Variants in BLTP3B observed in about 807,000 individuals in gnomAD.
BLTP3B encodes UHRF1 (ICBP90) binding protein 1-like.
chr12:100,082,960 C>T, the BLTP3B span: 2 of 1,284,956 alleles, frequency 1.6e-6, no homozygotes. Context: ...ATTTAAGTTG[C>T]TTAGATGAGA....
chr12:100,103,851 A>G, the BLTP3B span: 1 of 1,320,046 alleles, frequency 7.6e-7, no homozygotes, highest in South Asian at 1.7e-5. Context: ...ATTACTATGA[A>G]CAGAGTAGCT....
chr12:100,136,197 C>T, the BLTP3B span, among the ~76,000 whole-genome samples: 4 of 141,474 alleles, frequency 2.8e-5, no homozygotes, highest in Admixed American at 7.0e-5. Context: ...GGCAACATAG[C>T]GAGACTCTGT....
chr12:100,142,437 T>TCCGGGG, the BLTP3B span, among the ~76,000 whole-genome samples: 5 of 151,982 alleles, frequency 3.3e-5, no homozygotes, highest in African/African-American at 1.2e-4. Context: ...CGACAAGAGA[T>TCCGGGG]CCGGGGCCGC....
the BLTP3B span, chr12:100,070,244 G>T: frequency 6.7e-7 from 1 of 1,494,506 alleles, no homozygotes; most frequent in Non-Finnish European, 8.9e-7. Context: ...GTTGAAACAT[G>T]AAGATAGGAT....
the BLTP3B span, chr12:100,083,012 A>G: frequency 2.5e-6 from 4 of 1,605,376 alleles, no homozygotes; most frequent in Non-Finnish European, 3.4e-6. Flanking sequence ...AAAAGAAAAC[A>G]TACCTGGTAT....
the BLTP3B span, among the ~76,000 whole-genome samples, chr12:100,072,187 G>C: frequency 1.3e-5 from 2 of 152,246 alleles, no homozygotes; most frequent in South Asian, 4.1e-4. Flanking sequence ...GCTTGAACCT[G>C]GGAGGCCAAG....
the BLTP3B span, among the ~76,000 whole-genome samples, chr12:100,074,356 T>C: frequency 6.6e-6 from 1 of 152,024 alleles, no homozygotes; most frequent in East Asian, 1.9e-4. Flanking sequence ...CCCAGCACGG[T>C]GAGAGGCTGA....
chr12:100,102,882 C>A, the BLTP3B span: 1 of 1,337,690 alleles, frequency 7.5e-7, no homozygotes, highest in Non-Finnish European at 1.0e-6. Flanking sequence ...AAAATATAAA[C>A]AATTAGATTA....
At chr12:100,048,685 A>C in the BLTP3B span, among the ~76,000 whole-genome samples, 3 of 147,288 alleles carry the variant, frequency 2.0e-5, no homozygotes, top group East Asian at 6.2e-4. Context: ...GACCTCATTA[A>C]ATTGTTTCTT....
the BLTP3B span, among the ~76,000 whole-genome samples, chr12:100,043,144 T>A: frequency 1.8e-4 from 28 of 152,326 alleles, no homozygotes; most frequent in African/African-American, 6.3e-4. Context: ...TTTTTAGACA[T>A]AATAATAGTG....
the BLTP3B span, among the ~76,000 whole-genome samples, chr12:100,110,211 A>G: frequency 6.6e-6 from 1 of 152,196 alleles, no homozygotes; most frequent in Non-Finnish European, 1.5e-5. Flanking sequence ...ACTTGTCAAC[A>G]AGAATACCAA....
the BLTP3B span, among the ~76,000 whole-genome samples, chr12:100,086,886 C>T: frequency 4.6e-5 from 7 of 152,134 alleles, no homozygotes; most frequent in Non-Finnish European, 4.4e-5. Flanking sequence ...TAAGGCTGGG[C>T]GCGGTGGCTC....
At chr12:100,106,771 G>T in the BLTP3B span, among the ~76,000 whole-genome samples, 136 of 152,240 alleles carry the variant, frequency 8.9e-4, no homozygotes, top group African/African-American at 3.1e-3. Flanking sequence ...AAAATTTACT[G>T]AAAGTGTCAA....
At chr12:100,084,434 A>T in the BLTP3B span, 1 of 1,456,276 alleles carries the variant, frequency 6.9e-7, no homozygotes, top group Non-Finnish European at 9.4e-7. Flanking sequence ...ACAGAGTGCA[A>T]ACACTCTTAA....
chr12:100,128,674 G>A, the BLTP3B span: 1 of 1,288,592 alleles, frequency 7.8e-7, no homozygotes, highest in Non-Finnish European at 1.0e-6. Flanking sequence ...ACTCATTTGG[G>A]TGATTATGCA....
At chr12:100,127,559 A>G in the BLTP3B span, among the ~76,000 whole-genome samples, 2 of 152,232 alleles carry the variant, frequency 1.3e-5, no homozygotes, top group African/African-American at 4.8e-5. Context: ...GTATTCAGTG[A>G]TATGAGTTTC....
the BLTP3B span, among the ~76,000 whole-genome samples, chr12:100,042,424 AAGACAGAC>A: frequency 6.6e-6 from 1 of 152,254 alleles, no homozygotes; most frequent in Middle Eastern, 3.2e-3. Flanking sequence ...GGTAGTATCA[AAGACAGAC>A]ATACAGACAA....
At chr12:100,128,433 C>A in the BLTP3B span, 1 of 518,022 alleles carries the variant, frequency 1.9e-6, no homozygotes, top group Non-Finnish European at 2.6e-6. Flanking sequence ...ATTACATGAG[C>A]CTCTAGCTAC....
chr12:100,052,800 T>TG, the BLTP3B span, among the ~76,000 whole-genome samples: 4 of 148,314 alleles, frequency 2.7e-5, no homozygotes, highest in Non-Finnish European at 6.0e-5. Context: ...GTTTTTTTTT[T>TG]TTTTTTTTTT....
Sources: allele counts gnomAD v4.1 joint callset (sites outside exome capture counted in the v4.1 genomes callset), GRCh38; gene constraint gnomAD v4.1.1; transcripts MANE v1.5; gene names NCBI Gene and HGNC (gene_info 2026-07-23, HGNC 2026-07-21).